Variants in CHD8 observed in about 807,000 individuals in gnomAD.
The protein encoded by CHD8 is ATP-dependent chromatin remodeler CHD8.
In CHD8, 31 loss-of-function variants were observed where a neutral mutation model predicts 279.2. That is an observed-to-expected ratio of 0.11 (90% CI 0.08 to 0.15). The LOEUF (loss-of-function observed/expected upper bound fraction) is 0.15. CHD8 is among the 10% of genes least tolerant of loss of function. CHD8 has a pLI of 1.00. For missense variants in CHD8, 2,146 were observed against 3,230.5 expected, an observed-to-expected ratio of 0.66 and a Z score of 8.14; for synonymous variants, 1,081 against 1,139.6, an observed-to-expected ratio of 0.95 and a Z score of 1.04.
In CHD8 at chr14:21,405,764, G is replaced by C. The variant is rs776267885; in HGVS notation, c.3008C>G (p.Ser1003Ter). 1 of 1,613,856 alleles carries C rather than the reference G, an allele frequency of 6.2e-7. No homozygotes were observed. Among genetic ancestry groups the C allele is most frequent in the Non-Finnish European group, 8.5e-7 (1 of 1,179,826 alleles). ...ATCCCCAAAGTCCTTGAGAAACTCT[G>C]ATTCTGAGGGAAATTGTGACGGTTC... is the stretch of plus-strand genomic sequence containing the variant. ...FLEPSQFPSESEFLKDFGDLK... is the reference protein window; with the variant it reads ...FLEPSQFPSE Residue 1003 changes from serine to a stop codon, truncating the protein, a stop_gained, in exon 15 of 38, where the codon TCA (serine) becomes TGA (stop). Coordinates refer to ENST00000646647, the MANE Select transcript of CHD8 (RefSeq NM_001170629.2). LOFTEE classifies it high-confidence loss of function. This position sits in a 1 kb window ranked among gnomAD's most constrained non-coding sequence, Gnocchi z 4.2.
At chr14:21,395,382 G>C (rs774555997) in intron 28 of CHD8, 30 bp from the exon 29 acceptor site, 4 of 1,541,668 alleles carry the variant, frequency 2.6e-6, no homozygotes, top group Admixed American at 1.8e-5. Flanking sequence ...CAATAGGATG[G>C]AGCGGGGAGG....
At position 21,453,529 on chromosome 14, in the gene CHD8, T is replaced by C. The variant is rs147544255; in HGVS notation, c.-216+2503A>G. 6.0e-3 allele frequency among the ~76,000 whole-genome samples: 918 copies of C among 151,916 alleles called. 32 individuals are homozygous for C. Among genetic ancestry groups the C allele is most frequent in the African/African-American group, 0.021 (878 of 41,242 alleles). On this transcript the variant is annotated intron_variant, in intron 1 of 37. Coordinates refer to ENST00000646647, the MANE Select transcript of CHD8 (RefSeq NM_001170629.2). Reference sequence around the variant, plus strand: ...AATGAATCAAATGCTAAAGGTAAAATAGTAAATATTATACCACAATGGTCA... The same window carrying C: ...AATGAATCAAATGCTAAAGGTAAAACAGTAAATATTATACCACAATGGTCA...
Position 21,392,577 on chromosome 14 carries a change from G to A in CHD8, c.6701C>T (p.Thr2234Ile), listed in dbSNP as rs1166716530. Residue 2234 changes from threonine to isoleucine, a missense_variant, in exon 34 of 38, where the codon ACA becomes ATA. By Grantham distance (89) the Thr-to-Ile change is moderately conservative (BLOSUM62 -1). Around this residue, in one of 26 missense-constraint regions of CHD8, gnomAD observed 513 missense variants for 637.6 expected, o/e 0.80. Coordinates refer to ENST00000646647, the MANE Select transcript of CHD8 (RefSeq NM_001170629.2). ...AAGTTTGGTGAACTGGGCTGCCGCTGTGCTGACTGCAGATGCTTCCTCCTC... is the reference window on the plus strand; with the variant it reads ...AAGTTTGGTGAACTGGGCTGCCGCTATGCTGACTGCAGATGCTTCCTCCTC... Reference protein sequence around the residue: ...MAEEEASAVSTAAAQFTKLRR... With the variant: ...MAEEEASAVSIAAAQFTKLRR... 3.1e-6 allele frequency: 5 copies of A among 1,613,638 alleles called. No individual in the cohort carries two copies. Among genetic ancestry groups the A allele is most frequent in the African/African-American group, 1.3e-5 (1 of 74,910 alleles).
intron 1 of CHD8, among the ~76,000 whole-genome samples, chr14:21,437,502 T>C (rs1254977237): frequency 1.3e-5 from 2 of 150,882 alleles, no homozygotes; most frequent in Non-Finnish European, 3.0e-5. Flanking sequence ...AGTCTCATAG[T>C]ACGCGAAACC....
intron 1 of CHD8, among the ~76,000 whole-genome samples, chr14:21,444,239 G>A (rs1307659051): frequency 6.6e-6 from 1 of 152,108 alleles, no homozygotes; most frequent in East Asian, 1.9e-4. Context: ...GTCCTAGTAG[G>A]TACTTGACAA....
rs1321097588 is a variant in CHD8 at position 21,405,060 on chromosome 14, T to C, written c.3307+149A>G. On this transcript the variant is annotated intron_variant, in intron 16 of 37. Transcript: ENST00000646647. The surrounding 1 kb of genome is among the most constrained non-coding windows in gnomAD (Gnocchi z 4.2). The stretch of plus-strand genomic sequence containing the variant: ...TTGCCCAGGCTTAGAGTCTCTTTTT[T>C]AAAAGGAGAACCATTTCCCTCCCAT... 1.4e-6 allele frequency: 1 copy of C among 716,474 alleles called. No homozygotes were observed. The highest frequency in any genetic ancestry group is 1.8e-5 in the African/African-American group (1 of 55,982). 44.4% of individuals were successfully genotyped at this position (716,474 alleles called of 1,614,324 possible). A position where few individuals can be genotyped will look rare whatever the true frequency, so the allele number is the denominator to read the frequency against.
intron 20 of CHD8, 108 bp from the exon 21 acceptor site, chr14:21,401,621 G>C: frequency 1.4e-6 from 1 of 703,810 alleles, no homozygotes; most frequent in Non-Finnish European, 2.3e-6. Context: ...GTCTTGCTCT[G>C]TTGCCCAGGC....
intron 1 of CHD8, among the ~76,000 whole-genome samples, chr14:21,434,282 G>A (rs1889686019): frequency 1.3e-5 from 2 of 152,096 alleles, no homozygotes; most frequent in South Asian, 4.1e-4. Context: ...CGACTTCAGA[G>A]GTGAGCCGTC....
Position 21,408,822 on chromosome 14 carries a change from G to A in CHD8, c.2368C>T (p.Arg790Cys), listed in dbSNP as rs776528619. The A allele has an allele frequency of 1.9e-6, 3 of 1,605,690 alleles. No homozygotes were observed. Among genetic ancestry groups the A allele is most frequent in the African/African-American group, 1.3e-5 (1 of 74,822 alleles). ...TTCTTCCAGGCACTTGCCTGCGGAC[G>A]ATTCTAAAAAACAAGACGTTTGAAT... ...SRHPELKRVN[R>C]PQASAWKKLE... Residue 790 changes from arginine to cysteine, a missense_variant, in exon 12 of 38, where the codon CGT becomes TGT. Physicochemically the swap from Arg to Cys is radical, Grantham distance 180. Around this residue, in one of 26 missense-constraint regions of CHD8, gnomAD observed 211 missense variants for 464.7 expected, o/e 0.45. Transcript: ENST00000646647. The surrounding 1 kb of genome is among the most constrained non-coding windows in gnomAD (Gnocchi z 4.3).
chr14:21,392,746 A>G lies in CHD8; in HGVS notation c.6532T>C (p.Ser2178Pro), dbSNP rs1245348308. ...CQAVLSGKWP[S>P]SRRSQEMVTG... ...ACCATTTCCTGGCTCCTACGGCTAG[A>G]AGGCCACTTCCCTGAGAGTACAGCC... The change falls in exon 34 of 38, where the codon TCT (serine) becomes CCT (proline). Residue 2178 changes from serine (S) to proline (P), a missense_variant. Around this residue, in one of 26 missense-constraint regions of CHD8, gnomAD observed 513 missense variants for 637.6 expected, o/e 0.80. Transcript: ENST00000646647. The G allele has an allele frequency of 2.5e-6, 4 of 1,613,956 alleles. No homozygotes were observed. Among genetic ancestry groups the G allele is most frequent in the Non-Finnish European group, 3.4e-6 (4 of 1,179,866 alleles).
At chr14:21,433,948 CTTTGGCACCAATTA>C (rs1039645264) in intron 1 of CHD8, among the ~76,000 whole-genome samples, 2 of 151,838 alleles carry the variant, frequency 1.3e-5, no homozygotes, top group Non-Finnish European at 2.9e-5. Flanking sequence ...AGTATACCTA[CTTTGGCACCAATTA>C]TTTTTCATTC....
chr14:21,433,678 G>A (rs1889656246), intron 1 of CHD8, among the ~76,000 whole-genome samples: 1 of 152,106 alleles, frequency 6.6e-6, no homozygotes, highest in Admixed American at 6.6e-5. Context: ...AGTATACATG[G>A]TATCTCCAAC....
intron 37 of CHD8, among the ~76,000 whole-genome samples, chr14:21,387,709 G>A (rs1887324530): frequency 6.7e-6 from 1 of 150,252 alleles, no homozygotes; most frequent in Non-Finnish European, 1.5e-5. Flanking sequence ...AGGAGGCTGA[G>A]GCAGGAGAAT....
chr14:21,424,917 A>G (rs1889238828), intron 5 of CHD8, among the ~76,000 whole-genome samples: 1 of 152,198 alleles, frequency 6.6e-6, no homozygotes, highest in Non-Finnish European at 1.5e-5. Context: ...CTCCATTTAC[A>G]GATGAGAAAC....
Position 21,397,905 on chromosome 14 carries a change from G to A in CHD8, c.4969C>T (p.Leu1657=). 1 of 1,611,602 alleles carries A rather than the reference G, an allele frequency of 6.2e-7. No homozygotes were observed. The highest frequency in any genetic ancestry group is 8.5e-7 in the Non-Finnish European group (1 of 1,178,688). ...TMRADPALCF[L]EKAGRPDDKA... ...TCATCTGGTCGGCCAGCCTTTTCTA[G>A]GAAACATAAGGCTGGGTCTGCCCTC... The change falls in exon 27 of 38, where the codon CTA becomes TTA. Residue 1657 remains leucine, a synonymous_variant. Transcript: ENST00000646647.
Position 21,454,303 on chromosome 14 carries a change from C to T in CHD8, c.-216+1729G>A, listed in dbSNP as rs942665660. Among the ~76,000 whole-genome samples, 5 of 152,220 alleles carry T rather than the reference C, an allele frequency of 3.3e-5. No individual in the cohort carries two copies. In the Middle Eastern group the frequency reaches 0.014, roughly 414 times the overall value. On this transcript the variant is annotated intron_variant, in intron 1 of 37. Coordinates refer to ENST00000646647, the MANE Select transcript of CHD8 (RefSeq NM_001170629.2). Reference sequence around the variant, plus strand: ...ACTGTTCAAGTACTCATACACTGTTCCATTATATCCCTTATCCCAATCCAT... The same window carrying T: ...ACTGTTCAAGTACTCATACACTGTTTCATTATATCCCTTATCCCAATCCAT...
rs1176153715 is a variant in CHD8, at chr14:21,403,879, A to G, written c.3308-216T>C. ...TTTGGGAGGCCGAGGCAGGTGGATC[A>G]CTTGAGGTCAGGAGTTCGAGACCAG... On this transcript the variant is annotated intron_variant, in intron 16 of 37. Coordinates refer to ENST00000646647, the MANE Select transcript of CHD8 (RefSeq NM_001170629.2). The surrounding 1 kb of genome is among the most constrained non-coding windows in gnomAD (Gnocchi z 4.3). Among the ~76,000 whole-genome samples, 2 of 152,316 alleles carry G rather than the reference A, an allele frequency of 1.3e-5. No individual in the cohort carries two copies. The highest frequency in any genetic ancestry group is 2.4e-5 in the African/African-American group (1 of 41,578).
intron 5 of CHD8, among the ~76,000 whole-genome samples, chr14:21,421,511 C>A (rs984305778): frequency 2.0e-5 from 3 of 152,004 alleles, no homozygotes; most frequent in Non-Finnish European, 2.9e-5. Flanking sequence ...TATATCACTG[C>A]ATTCTTTTGA....
chr14:21,394,700 A>G (rs540290189), intron 30 of CHD8: 9 of 638,458 alleles, frequency 1.4e-5, no homozygotes, highest in Admixed American at 6.1e-5. Flanking sequence ...ACACAGACAA[A>G]TATCAATGAA....
Sources: allele counts gnomAD v4.1 joint callset (sites outside exome capture counted in the v4.1 genomes callset), GRCh38; gene constraint gnomAD v4.1.1; regional missense constraint gnomAD v4.1.1; non-coding constraint Gnocchi (gnomAD v3.1); transcripts MANE v1.5; gene names NCBI Gene and HGNC (gene_info 2026-07-23, HGNC 2026-07-21).